The following SORBS3 variants were observed in gnomAD, a reference collection of about 807,000 sequenced individuals.
SORBS3 encodes the protein sorbin and SH3 domain containing 3.
Under a neutral mutation model 98.0 loss-of-function variants are expected in SORBS3, and 69 were observed. The observed-to-expected ratio is 0.70, with a 90% CI of 0.58 to 0.86. The LOEUF (loss-of-function observed/expected upper bound fraction) is 0.86. SORBS3 is among the 40% of genes least tolerant of loss of function. The probability of loss-of-function intolerance (pLI) is 0.00; values close to 1 mark genes in which losing one functional copy is unlikely to be tolerated. For synonymous variants in SORBS3, 394 were observed against 355.4 expected (o/e 1.11, Z -1.22); for missense variants, 954 against 908.5 (o/e 1.05, Z -0.64).
In SORBS3 at chr8:22,566,829, C is replaced by A; in HGVS notation, c.1151C>A (p.Ala384Asp). 1.2e-6 allele frequency: 2 copies of A among 1,613,708 alleles called. No homozygotes were observed. The highest frequency in any genetic ancestry group is 1.7e-5 in the Admixed American group (1 of 59,942). Residue 384 changes from alanine to aspartate, a missense_variant, in exon 15 of 21, where the codon GCC (alanine) becomes GAC (aspartate). Coordinates refer to ENST00000240123, the MANE Select transcript of SORBS3 (RefSeq NM_005775.5). ...PARREEKKRK[A>D]ARLKFDFQAQ... ...GTCCTCTCCCCTGCCTAGAGAAAGG[C>A]CGCCAGGCTCAAGTTTGACTTCCAG...
chr8:22,556,681 C>G, intron 3 of SORBS3, 34 bp from the exon 4 acceptor site: 7 of 1,603,594 alleles, frequency 4.4e-6, no homozygotes, highest in Non-Finnish European at 5.1e-6. Context: ...AGACCCCTGC[C>G]TTTCACTAAT....
intron 20 of SORBS3, among the ~76,000 whole-genome samples, chr8:22,574,398 G>A (rs73229806): frequency 1.1e-5 from 1 of 94,724 alleles, no homozygotes; most frequent in Non-Finnish European, 2.3e-5. Flanking sequence ...GCGGAGGAGG[G>A]GGGGAGTGAC....
Position 22,564,046 on chromosome 8 carries a change from C to A in SORBS3, c.644C>A (p.Ala215Glu). Residue 215 changes from alanine (A) to glutamate (E), a missense_variant, in exon 8 of 21, where the codon GCA (alanine) becomes GAA (glutamate). By Grantham distance (107) the Ala-to-Glu change is moderately radical. Transcript: ENST00000240123. ...PRSTFNYRPG[A>E]FSTVLQPSNQ... is the part of the protein sequence containing the mutation. ...AGCACCTTCAACTACAGACCTGGAG[C>A]ATTCTCCACTGTGCTGCAGCCCTCA... 1 of 1,613,966 alleles carries A rather than the reference C, an allele frequency of 6.2e-7. No homozygotes were observed. Among genetic ancestry groups the A allele is most frequent in the Middle Eastern group, 1.6e-4 (1 of 6,062 alleles).
At position 22,554,922 on chromosome 8, in the gene SORBS3, GC is replaced by G; in HGVS notation, c.165del (p.Arg56GlyfsTer122). The G allele has an allele frequency of 6.2e-7, 1 of 1,613,458 alleles. No individual in the cohort carries two copies. The highest frequency in any genetic ancestry group is 1.1e-5 in the South Asian group (1 of 91,074). Reference sequence around the variant, plus strand: ...TTAATTTCCAGTTCCACGACCCCGCGCCCAGGACTGTGTGCAATGGGGGCTA... The same window carrying G: ...TTAATTTCCAGTTCCACGACCCCGCGCCAGGACTGTGTGCAATGGGGGCTA... ...TLNFQFHDPA[P>X]RTVCNGGYTP... is the part of the protein sequence containing the mutation. On this transcript the variant is annotated frameshift_variant, in exon 3 of 21. Coordinates refer to ENST00000240123, the MANE Select transcript of SORBS3 (RefSeq NM_005775.5). LOFTEE classifies it high-confidence loss of function. The surrounding 1 kb of genome is among the most constrained non-coding windows in gnomAD (Gnocchi z 6.5).
In SORBS3 at chr8:22,566,443, T is replaced by C; in HGVS notation, c.1049T>C (p.Phe350Ser). Residue 350 changes from phenylalanine (F) to serine (S), a missense_variant, in exon 13 of 21, where the codon TTC becomes TCC. Physicochemically the swap from Phe to Ser is radical, Grantham distance 155. Transcript: ENST00000240123. ...PHKMADGGSP[F>S]LGRRDFVYPS... The stretch of plus-strand genomic sequence containing the variant: ...AAAATGGCTGATGGAGGAAGCCCCT[T>C]CCTAGGTCGGAGGGACTTTGTCTAC... The C allele has an allele frequency of 6.2e-7, 1 of 1,613,958 alleles. No homozygotes were observed. Among genetic ancestry groups the C allele is most frequent in the Non-Finnish European group, 8.5e-7 (1 of 1,179,912 alleles).
chr8:22,565,992 C>T (rs969562050), intron 12 of SORBS3, 120 bp downstream of exon 12: 2 of 700,962 alleles, frequency 2.9e-6, no homozygotes, highest in Non-Finnish European at 4.0e-6. Flanking sequence ...AGGAAGGAAC[C>T]GCAGAGCCGT....
intron 16 of SORBS3, among the ~76,000 whole-genome samples, chr8:22,567,910 G>A (rs1840468066): frequency 6.6e-6 from 1 of 151,114 alleles, no homozygotes; most frequent in African/African-American, 2.4e-5. Context: ...TGCAGTGGCG[G>A]GATCTTGGTG....
chr8:22,573,000 C>T (rs940435725), intron 20 of SORBS3, among the ~76,000 whole-genome samples: 2 of 152,238 alleles, frequency 1.3e-5, no homozygotes, highest in African/African-American at 2.4e-5. Flanking sequence ...TGGGCGGGCC[C>T]TGTGCAGGTC....
At chr8:22,546,050 G>C (rs1393815186) in intron 1 of SORBS3, among the ~76,000 whole-genome samples, 3 of 152,196 alleles carry the variant, frequency 2.0e-5, no homozygotes, top group Non-Finnish European at 4.4e-5. Context: ...TCAAGGTTCT[G>C]AATGATGGAT....
chr8:22,553,358 C>T (rs1474894481), intron 1 of SORBS3, among the ~76,000 whole-genome samples: 1 of 152,248 alleles, frequency 6.6e-6, no homozygotes, highest in Non-Finnish European at 1.5e-5. Context: ...AAACCTGATT[C>T]CATCCAGTCC....
chr8:22,573,443 A>G (rs1411337332), intron 20 of SORBS3: 1 of 454,404 alleles, frequency 2.2e-6, no homozygotes, highest in Admixed American at 2.4e-5. Flanking sequence ...CACCGGCGGC[A>G]TTCAGCTGTT....
At chr8:22,561,641 C>A in intron 6 of SORBS3, 1 of 613,858 alleles carries the variant, frequency 1.6e-6, no homozygotes, top group Non-Finnish European at 2.9e-6. Context: ...AAGATGAGAT[C>A]ATCACCTACT....
chr8:22,571,144 A>G lies in SORBS3; in HGVS notation c.1666A>G (p.Ile556Val). Residue 556 changes from isoleucine (I) to valine (V), a missense_variant, in exon 18 of 21, where the codon ATC (isoleucine) becomes GTC (valine). By Grantham distance (29) the Ile-to-Val change is conservative. Transcript: ENST00000240123. ...AGCCCTGCGCAGCCCAGCTGACCCC[A>G]TCGACTTGGGGGGACAGACCTCCCC... The part of the protein sequence containing the change: ...PSALRSPADP[I>V]DLGGQTSPRR... 6.3e-7 allele frequency: 1 copy of G among 1,596,408 alleles called. No homozygotes were observed. The highest frequency in any genetic ancestry group is 8.5e-7 in the Non-Finnish European group (1 of 1,173,856).
At chr8:22,561,274 C>T in intron 5 of SORBS3, 61 bp from the exon 6 acceptor site, 1 of 1,511,278 alleles carries the variant, frequency 6.6e-7, no homozygotes, top group South Asian at 1.3e-5. Context: ...GGTTGCCTCC[C>T]AGGGCACCCT....
At chr8:22,545,572 T>C (rs1319956309) in intron 1 of SORBS3, among the ~76,000 whole-genome samples, 2 of 152,260 alleles carry the variant, frequency 1.3e-5, no homozygotes, top group Non-Finnish European at 2.9e-5. Flanking sequence ...CAAGACCTGC[T>C]AAATAACACC....
At chr8:22,564,928 C>T (rs1840373509) in intron 10 of SORBS3, 1 of 1,297,738 alleles carries the variant, frequency 7.7e-7, no homozygotes, top group Admixed American at 3.6e-5. Flanking sequence ...ACAGTGAAGC[C>T]AGGCCTTGGA....
chr8:22,565,197 C>A, intron 10 of SORBS3, 71 bp from the exon 11 acceptor site: 1 of 1,489,572 alleles, frequency 6.7e-7, no homozygotes, highest in Non-Finnish European at 9.1e-7. Context: ...TTTTCACAGT[C>A]GATCTTTGAC....
At position 22,564,063 on chromosome 8, in the gene SORBS3, C is replaced by T. The variant is rs765581059; in HGVS notation, c.661C>T (p.Gln221Ter). 1 of 1,613,748 alleles carries T rather than the reference C, an allele frequency of 6.2e-7. No homozygotes were observed. Among genetic ancestry groups the T allele is most frequent in the South Asian group, 1.1e-5 (1 of 91,090 alleles). Reference protein sequence around the residue: ...YRPGAFSTVLQPSNQVLRRRE... With the variant: ...YRPGAFSTVL ...ACCTGGAGCATTCTCCACTGTGCTG[C>T]AGCCCTCAAATCAGGTAGCCCACCC... Residue 221 changes from glutamine (Q) to a stop codon, truncating the protein, a stop_gained, in exon 8 of 21, where the codon CAG (glutamine) becomes TAG (stop). Coordinates refer to ENST00000240123, the MANE Select transcript of SORBS3 (RefSeq NM_005775.5). LOFTEE classifies it high-confidence loss of function.
intron 17 of SORBS3, among the ~76,000 whole-genome samples, 179 bp from the exon 18 acceptor site, chr8:22,570,731 C>G (rs1202805081): frequency 6.6e-6 from 1 of 152,176 alleles, no homozygotes; most frequent in African/African-American, 2.4e-5. Flanking sequence ...GCCTGGGCAG[C>G]CTGGGCTTGG....
Sources: allele counts gnomAD v4.1 joint callset (sites outside exome capture counted in the v4.1 genomes callset), GRCh38; gene constraint gnomAD v4.1.1; non-coding constraint Gnocchi (gnomAD v3.1); transcripts MANE v1.5; gene names NCBI Gene and HGNC (gene_info 2026-07-23, HGNC 2026-07-21).